AKAP10: variants seen among roughly 807,000 people sequenced by gnomAD.
The protein encoded by AKAP10 is A-kinase anchoring protein 10.
A neutral mutation model predicts 80.8 loss-of-function variants in AKAP10; 24 were observed. That is an observed-to-expected ratio of 0.30 (90% confidence interval 0.22 to 0.42). The LOEUF (loss-of-function observed/expected upper bound fraction) is 0.42. Ranked by LOEUF, AKAP10 falls within the 10% of genes least tolerant of loss-of-function variation. AKAP10 has a pLI of 1.00. For synonymous variants in AKAP10, 291 were observed against 277.7 expected, an observed-to-expected ratio of 1.05 and a Z score of -0.48; for missense variants, 661 against 794.9, an observed-to-expected ratio of 0.83 and a Z score of 2.03.
In AKAP10 at chr17:19,958,230, C is replaced by T. The variant is rs778861832; in HGVS notation, c.661G>A (p.Glu221Lys). The T allele has an allele frequency of 1.9e-6, 3 of 1,614,168 alleles. No individual in the cohort carries two copies. The highest frequency in any genetic ancestry group is 2.2e-5 in the South Asian group (2 of 91,076). Residue 221 changes from glutamate (E) to lysine (K), a missense_variant, in exon 4 of 15, where the codon GAA becomes AAA. Physicochemically the swap from Glu to Lys is moderately conservative, Grantham distance 56. Transcript: ENST00000225737. ...GSAQLFMTHSEGIDLNNRTNS... is the reference protein window; with the variant it reads ...GSAQLFMTHSKGIDLNNRTNS... ...GTTCTATTATTCAGGTCAATTCCTT[C>T]TGAATGAGTCATAAACAACTGTGCT... is the stretch of plus-strand genomic sequence containing the variant.
At chr17:19,916,992 C>T (rs912616877) in intron 12 of AKAP10, among the ~76,000 whole-genome samples, 12 of 151,504 alleles carry the variant, frequency 7.9e-5, no homozygotes, top group Non-Finnish European at 8.8e-5. Context: ...AGGCCAGGCA[C>T]GGTGGCTCAC....
chr17:19,971,842 G>T (rs2043501886), intron 1 of AKAP10, among the ~76,000 whole-genome samples: 1 of 152,116 alleles, frequency 6.6e-6, no homozygotes, highest in Non-Finnish European at 1.5e-5. Context: ...TCAGCCAGGA[G>T]CATTGGCTCA....
chr17:19,908,696 G>GT (rs762751330), intron 14 of AKAP10, among the ~76,000 whole-genome samples: 7 of 152,074 alleles, frequency 4.6e-5, no homozygotes, highest in Non-Finnish European at 8.8e-5. Context: ...CTGGAGTGCA[G>GT]TGGTGTGATC....
intron 8 of AKAP10, among the ~76,000 whole-genome samples, chr17:19,938,579 G>C (rs2043018387): frequency 1.3e-5 from 2 of 152,100 alleles, no homozygotes; most frequent in South Asian, 4.1e-4. Context: ...TTCCTATGCA[G>C]ACAGCCCAGC....
intron 12 of AKAP10, among the ~76,000 whole-genome samples, chr17:19,916,022 CCATT>C (rs2042738756): frequency 6.6e-6 from 1 of 152,244 alleles, no homozygotes; most frequent in Admixed American, 6.5e-5. Flanking sequence ...TTTGCTCACT[CCATT>C]CCAGCCACAC....
intron 12 of AKAP10, among the ~76,000 whole-genome samples, chr17:19,917,927 A>T (rs1478691521): frequency 2.0e-5 from 3 of 151,626 alleles, no homozygotes; most frequent in Non-Finnish European, 4.4e-5. Flanking sequence ...AAAAAAAGAA[A>T]GAAAATAAGA....
intron 9 of AKAP10, among the ~76,000 whole-genome samples, chr17:19,934,152 C>T (rs189677876): frequency 6.6e-6 from 1 of 152,186 alleles, no homozygotes; most frequent in East Asian, 1.9e-4. Context: ...AACTCCTGAC[C>T]TCAGGTGATC....
chr17:19,957,973 A>G (rs973206676), intron 4 of AKAP10, 41 bp downstream of exon 4: 8 of 1,519,032 alleles, frequency 5.3e-6, no homozygotes, highest in Non-Finnish European at 5.3e-6. Flanking sequence ...AAAAAAAGAA[A>G]GTGAGACACA....
At chr17:19,964,079 AAAG>A (rs1356085091) in intron 2 of AKAP10, among the ~76,000 whole-genome samples, 14 of 152,284 alleles carry the variant, frequency 9.2e-5, no homozygotes, top group African/African-American at 1.9e-4. Flanking sequence ...TTCAATGTTA[AAAG>A]AAGGTTTATT....
chr17:19,957,584 TAATA>T (rs1232791404), intron 4 of AKAP10, among the ~76,000 whole-genome samples: 2 of 152,104 alleles, frequency 1.3e-5, no homozygotes, highest in African/African-American at 4.8e-5. Context: ...GTCTTGTGAC[TAATA>T]AATAAAATCC....
chr17:19,942,252 C>A lies in AKAP10; in HGVS notation c.977-342G>T, dbSNP rs140711796. ...AAATACCAAGAGCTCTTATAAACTA[C>A]TAAGAAATGTTCCAAAAGAAAAATG... On this transcript the variant is annotated intron_variant, in intron 5 of 14. Coordinates refer to ENST00000225737, the MANE Select transcript of AKAP10 (RefSeq NM_007202.4). Among the ~76,000 whole-genome samples the A allele has an allele frequency of 2.6e-3, 401 of 152,218 alleles. 1 individual carries two copies. Among genetic ancestry groups the A allele is most frequent in the African/African-American group, 9.1e-3 (379 of 41,532 alleles).
intron 10 of AKAP10, among the ~76,000 whole-genome samples, chr17:19,930,696 C>T (rs1017418712): frequency 6.6e-6 from 1 of 151,930 alleles, no homozygotes; most frequent in African/African-American, 2.4e-5. Context: ...AGCAACACAG[C>T]AAGACTCCAT....
At position 19,913,153 on chromosome 17, in the gene AKAP10, G is replaced by GTT. The variant is rs71357404; in HGVS notation, c.1835-3177_1835-3176dup. ...TACCCGCCACCACGCCTGGCTAATT[G>GTT]TTTTTTTTTTTTTTTTTTGAGACAG... On this transcript the variant is annotated intron_variant, in intron 12 of 14. Coordinates refer to ENST00000225737, the MANE Select transcript of AKAP10 (RefSeq NM_007202.4). Among the ~76,000 whole-genome samples the GTT allele has an allele frequency of 1.4e-3, 153 of 108,922 alleles. 2 individuals carry two copies. Among genetic ancestry groups the GTT allele is most frequent in the South Asian group, 2.5e-3 (8 of 3,188 alleles). The allele number at this position is 108,922 out of a possible 152,430, so 71.5% of individuals were successfully genotyped here.
At chr17:19,939,964 C>A in intron 7 of AKAP10, 115 bp from the exon 8 acceptor site, 2 of 1,160,774 alleles carry the variant, frequency 1.7e-6, no homozygotes, top group Non-Finnish European at 2.3e-6. Flanking sequence ...ACAAAAAGAT[C>A]TACTTCTTCT....
intron 3 of AKAP10, among the ~76,000 whole-genome samples, chr17:19,962,297 C>CATAT (rs1371340248): frequency 2.2e-4 from 14 of 64,648 alleles, no homozygotes; most frequent in African/African-American, 7.3e-4. Flanking sequence ...CATACATATA[C>CATAT]ACACACACAC....
intron 4 of AKAP10, among the ~76,000 whole-genome samples, chr17:19,948,267 C>T (rs1328135791): frequency 1.3e-5 from 2 of 152,116 alleles, no homozygotes; most frequent in South Asian, 2.1e-4. Flanking sequence ...GCAGTACCTC[C>T]GTACTCCTGA....
chr17:19,946,265 ATATATATATATTTT>A (rs2043124922), intron 5 of AKAP10, among the ~76,000 whole-genome samples: 3 of 27,438 alleles, frequency 1.1e-4, no homozygotes, highest in African/African-American at 1.6e-4. Flanking sequence ...ATATATATAT[ATATATATATATTTT>A]TTTTTTTTTT....
intron 2 of AKAP10, among the ~76,000 whole-genome samples, chr17:19,964,277 C>T (rs763952063): frequency 4.6e-5 from 7 of 152,100 alleles, no homozygotes; most frequent in Non-Finnish European, 7.3e-5. Flanking sequence ...TTCCCCGGTC[C>T]CTCTTAACAT....
chr17:19,939,781 C>G lies in AKAP10; in HGVS notation c.1254G>C (p.Gln418His), dbSNP rs769940504. The change falls in exon 8 of 15, where the codon CAG (glutamine) becomes CAC (histidine). Residue 418 changes from glutamine (Q) to histidine (H), a missense_variant. Physicochemically the swap from Gln to His is conservative, Grantham distance 24 (BLOSUM62 0). Coordinates refer to ENST00000225737, the MANE Select transcript of AKAP10 (RefSeq NM_007202.4). ...CATATTGGCCCTTTTTGGCAGCAAG[C>G]TGAGACTGGAAGTTATCTGCTGCCA... The part of the protein sequence containing the change: ...FWLAADNFQS[Q>H]LAAKKGQYDG... 2 of 1,614,040 alleles carry G rather than the reference C, an allele frequency of 1.2e-6. No individual in the cohort carries two copies. The highest frequency in any genetic ancestry group is 3.3e-5 in the Admixed American group (2 of 60,000).
Sources: gnomAD v4.1 joint callset for allele counts (sites outside exome capture counted in the v4.1 genomes callset) on GRCh38, gnomAD v4.1.1 for gene constraint, MANE v1.5 for transcripts, NCBI Gene and HGNC (gene_info 2026-07-23, HGNC 2026-07-21) for gene names.